The following MED12L variants were observed in gnomAD, a reference collection of about 807,000 sequenced individuals.
MED12L encodes mediator of RNA polymerase II transcription subunit 12-like protein.
Under a neutral mutation model 281.3 loss-of-function variants are expected in MED12L, and 60 were observed. The observed-to-expected ratio is 0.21, with a 90% confidence interval of 0.17 to 0.26. The LOEUF (loss-of-function observed/expected upper bound fraction) is 0.26, where lower values mean the gene tolerates loss of function less well. Among genes scored for constraint, MED12L ranks in the 10% least tolerant of loss-of-function variants. MED12L has a pLI of 1.00. For missense variants in MED12L, 2,146 were observed against 2,680.9 expected, an observed-to-expected ratio of 0.80 and a Z score of 4.41; for synonymous variants, 974 against 987.2, an observed-to-expected ratio of 0.99 and a Z score of 0.25.
intron 5 of MED12L, among the ~76,000 whole-genome samples, chr3:151,153,580 T>G (rs920834084): frequency 6.9e-6 from 1 of 144,768 alleles, no homozygotes; most frequent in African/African-American, 2.6e-5. Context: ...TTTTTTTTTT[T>G]TTTTTTGAGA....
chr3:151,287,899 T>C (rs1372924274), intron 16 of MED12L, among the ~76,000 whole-genome samples: 7 of 151,756 alleles, frequency 4.6e-5, no homozygotes, highest in Non-Finnish European at 7.4e-5. Context: ...TAATAAACTT[T>C]ATAGAAATCA....
intron 3 of MED12L, among the ~76,000 whole-genome samples, chr3:151,121,431 A>C (rs1713739446): frequency 1.3e-5 from 2 of 152,200 alleles, no homozygotes; most frequent in Non-Finnish European, 2.9e-5. Context: ...CAGGCTTTTT[A>C]CCCTATAGAT....
At chr3:151,212,099 TTATTAAGAAAA>T (rs1340094432) in intron 16 of MED12L, 1 of 152,212 alleles carries the variant, frequency 6.6e-6, no homozygotes, top group Non-Finnish European at 1.5e-5. Flanking sequence ...CATATGTTGA[TTATTAAGAAAA>T]AATAGACAGT....
At chr3:151,328,907 A>G in intron 16 of MED12L, 1 of 1,614,038 alleles carries the variant, frequency 6.2e-7, no homozygotes, top group East Asian at 2.2e-5. Context: ...CACTGTGTAG[A>G]GGGCTGGGAA....
At chr3:151,392,638 C>T (rs920159817) in intron 38 of MED12L, among the ~76,000 whole-genome samples, 4 of 151,980 alleles carry the variant, frequency 2.6e-5, no homozygotes, top group African/African-American at 9.7e-5. Context: ...AAATGCAAAA[C>T]AATCTCCCAC....
chr3:151,241,629 T>TAC (rs554224150), intron 16 of MED12L, among the ~76,000 whole-genome samples: 2 of 152,286 alleles, frequency 1.3e-5, no homozygotes, highest in East Asian at 3.9e-4. Context: ...TGTGTGTATA[T>TAC]ACACACACAG....
At chr3:151,259,516 C>A (rs749619628) in intron 16 of MED12L, among the ~76,000 whole-genome samples, 3 of 152,176 alleles carry the variant, frequency 2.0e-5, no homozygotes, top group Non-Finnish European at 4.4e-5. Context: ...CTGTCTCAGG[C>A]AAACTGGGGT....
intron 8 of MED12L, among the ~76,000 whole-genome samples, chr3:151,160,983 T>C (rs1257199102): frequency 6.6e-6 from 1 of 152,232 alleles, no homozygotes; most frequent in East Asian, 1.9e-4. Context: ...TGGTCAGTTA[T>C]CTTTTGTGTA....
At chr3:151,382,092 C>CA (rs1415854474) in intron 32 of MED12L, among the ~76,000 whole-genome samples, 1 of 152,084 alleles carries the variant, frequency 6.6e-6, no homozygotes, top group East Asian at 1.9e-4. Context: ...TAGTGTGAGT[C>CA]AGTGAGGAAG....
intron 22 of MED12L, 97 bp from the exon 23 acceptor site, chr3:151,365,749 CTTGT>C: frequency 9.4e-7 from 1 of 1,066,342 alleles, no homozygotes; most frequent in Non-Finnish European, 1.3e-6. Context: ...AAGAAAATGA[CTTGT>C]TTGATGTTAG....
At chr3:151,213,725 C>T (rs2149222305) in intron 16 of MED12L, 2 of 1,614,204 alleles carry the variant, frequency 1.2e-6, no homozygotes, top group East Asian at 2.2e-5. Flanking sequence ...AAAAGAAACA[C>T]AATCCAGAAG....
chr3:151,366,456 C>T (rs754706364), intron 23 of MED12L, among the ~76,000 whole-genome samples: 2 of 152,134 alleles, frequency 1.3e-5, no homozygotes, highest in East Asian at 1.9e-4. Flanking sequence ...GTCTAGATTC[C>T]GAGGATGTCC....
chr3:151,148,276 TATTCTCTCCCAATTGG>T (rs1215448759), intron 5 of MED12L, among the ~76,000 whole-genome samples: 1 of 152,234 alleles, frequency 6.6e-6, no homozygotes, highest in Admixed American at 6.5e-5. Context: ...TGATTTGAAA[TATTCTCTCCCAATTGG>T]TGTGTTATCT....
At chr3:151,425,489 C>T (rs552595343) in intron 43 of MED12L, 1 of 382,628 alleles carries the variant, frequency 2.6e-6, no homozygotes, top group Non-Finnish European at 5.3e-6. Context: ...CAGTCTCAGA[C>T]TCTTAGGCTC....
At chr3:151,305,616 C>G (rs73006522) in intron 16 of MED12L, among the ~76,000 whole-genome samples, 2,880 of 152,046 alleles carry the variant, frequency 0.019, 90 homozygotes, top group African/African-American at 0.066. Context: ...CTGACTCACA[C>G]TGTGAGTAAT....
In MED12L at chr3:151,273,227, C is replaced by CTT. The variant is rs63035061; in HGVS notation, c.2251-76812_2251-76811dup. ...TGACAGCAATAAACATTGTTGTGTT[C>CTT]TTTTTTTTTTTTTTTTTTTTTGAGA... is the stretch of plus-strand genomic sequence containing the variant. On this transcript the variant is annotated intron_variant, in intron 16 of 44. Transcript: ENST00000687756. Among the ~76,000 whole-genome samples the CTT allele has an allele frequency of 6.4e-3, 675 of 106,128 alleles. 15 individuals carry two copies. The highest frequency in any genetic ancestry group is 0.013 in the African/African-American group (378 of 28,858). 69.6% of individuals were successfully genotyped at this position (106,128 alleles called of 152,430 possible). A position where few individuals can be genotyped will look rare whatever the true frequency, so the allele number is the denominator to read the frequency against.
intron 3 of MED12L, among the ~76,000 whole-genome samples, chr3:151,117,678 A>G (rs1428631194): frequency 6.6e-6 from 1 of 151,386 alleles, no homozygotes; most frequent in Admixed American, 6.6e-5. Flanking sequence ...ATAAATGTAG[A>G]ATTTTTCTAC....
At chr3:151,264,964 C>A (rs1279967796) in intron 16 of MED12L, among the ~76,000 whole-genome samples, 1 of 152,210 alleles carries the variant, frequency 6.6e-6, no homozygotes, top group Non-Finnish European at 1.5e-5. Flanking sequence ...ATAACACACC[C>A]ATCTTCTCCA....
At chr3:151,332,998 T>G (rs951136524) in intron 16 of MED12L, among the ~76,000 whole-genome samples, 9 of 152,206 alleles carry the variant, frequency 5.9e-5, no homozygotes, top group Non-Finnish European at 1.2e-4. Context: ...CATCTGGTGT[T>G]TGGTTTCCTG....
Sources: allele counts gnomAD v4.1 joint callset (sites outside exome capture counted in the v4.1 genomes callset), GRCh38; gene constraint gnomAD v4.1.1; transcripts MANE v1.5; gene names NCBI Gene and HGNC (gene_info 2026-07-23, HGNC 2026-07-21).